The following RSBN1 variants were observed in gnomAD, a reference collection of about 807,000 sequenced individuals.
RSBN1 encodes the protein round spermatid basic protein 1, also known as lysine-specific demethylase 9.
Under a neutral mutation model 74.8 loss-of-function variants are expected in RSBN1, and 23 were observed. That is an observed-to-expected ratio of 0.31 (90% CI 0.22 to 0.44). The LOEUF is 0.44. Ranked by LOEUF, RSBN1 falls within the 20% of genes least tolerant of loss-of-function variation. The pLI, the probability that RSBN1 is intolerant of heterozygous loss-of-function variation, is 1.00. For synonymous variants in RSBN1, 407 were observed against 379.6 expected (o/e 1.07, Z -0.84); for missense variants, 808 against 1,020.9 (o/e 0.79, Z 2.84).
intron 4 of RSBN1, among the ~76,000 whole-genome samples, chr1:113,771,758 A>G (rs1416353875): frequency 6.6e-6 from 1 of 151,448 alleles, no homozygotes; most frequent in African/African-American, 2.4e-5. Flanking sequence ...GGGAAGCAAT[A>G]AAGAGAACAG....
At chr1:113,801,144 G>C (rs1335821467) in intron 1 of RSBN1, among the ~76,000 whole-genome samples, 1 of 151,882 alleles carries the variant, frequency 6.6e-6, no homozygotes, top group Non-Finnish European at 1.5e-5. Context: ...ACCACACCCG[G>C]CTAATTTTTT....
Position 113,768,257 on chromosome 1 carries a change from A to G in RSBN1, c.1791T>C (p.Ala597=), listed in dbSNP as rs1659821703. ...GQGFDWQSTA[A]VGVLKAVQFG... Reference sequence around the variant, plus strand: ...ATTGTACAGCTTTCAAAACTCCAACAGCAGCCGTACTCTGCCAGTCAAACC... The same window carrying G: ...ATTGTACAGCTTTCAAAACTCCAACGGCAGCCGTACTCTGCCAGTCAAACC... Residue 597 remains alanine (A), a synonymous_variant, in exon 5 of 7, where the codon GCT becomes GCC. Transcript: ENST00000261441. 2.5e-6 allele frequency: 4 copies of G among 1,611,866 alleles called. No homozygotes were observed. The highest frequency in any genetic ancestry group is 3.4e-6 in the Non-Finnish European group (4 of 1,179,126).
chr1:113,793,775 G>A lies in RSBN1; in HGVS notation c.1377+3588C>T, dbSNP rs558053473. The stretch of plus-strand genomic sequence containing the variant: ...GGCTCAGTGCAAACTCCACCTCCCA[G>A]GTTCAAGCCAGCATCCCAAGCAGCT... On this transcript the variant is annotated intron_variant, in intron 2 of 6. Transcript: ENST00000261441. 6.6e-5 allele frequency among the ~76,000 whole-genome samples: 10 copies of A among 151,938 alleles called. No homozygotes were observed. The South Asian group carries it at 2.1e-3, about 32-fold the overall frequency.
chr1:113,790,035 G>A (rs1032193888), intron 2 of RSBN1, among the ~76,000 whole-genome samples: 5 of 151,932 alleles, frequency 3.3e-5, no homozygotes, highest in Non-Finnish European at 7.4e-5. Context: ...GACATGATAA[G>A]CCACAAATTC....
At position 113,811,793 on chromosome 1, in the gene RSBN1, C is replaced by A. The variant is rs1660857220; in HGVS notation, c.620G>T (p.Cys207Phe). The A allele has an allele frequency of 1.2e-6, 2 of 1,613,778 alleles. No individual in the cohort carries two copies. The highest frequency in any genetic ancestry group is 2.7e-5 in the African/African-American group (2 of 74,940). ...HRGPDGDPSS[C>F]GTDLKHKDKQ... ...GTCCTTGTGCTTGAGATCGGTTCCG[C>A]AGGAGCTGGGATCACCATCGGGGCC... The change falls in exon 1 of 7, where the codon TGC (cysteine) becomes TTC (phenylalanine). Residue 207 changes from cysteine (C) to phenylalanine (F), a missense_variant. Cys to Phe is a radical substitution (Grantham distance 205). Transcript: ENST00000261441.
At chr1:113,775,287 A>C (rs985519025) in intron 4 of RSBN1, among the ~76,000 whole-genome samples, 3 of 151,444 alleles carry the variant, frequency 2.0e-5, no homozygotes, top group Admixed American at 6.6e-5. Context: ...GGCCTCCCAA[A>C]GTGCTGGGAT....
chr1:113,785,857 G>A (rs1660232808), intron 2 of RSBN1, among the ~76,000 whole-genome samples: 2 of 152,118 alleles, frequency 1.3e-5, no homozygotes, highest in Admixed American at 1.3e-4. Flanking sequence ...ATAAAGATGA[G>A]ACTGGAAAAA....
At chr1:113,778,282 G>A (rs910164331) in intron 2 of RSBN1, among the ~76,000 whole-genome samples, 1 of 150,600 alleles carries the variant, frequency 6.6e-6, no homozygotes, top group Admixed American at 6.6e-5. Flanking sequence ...ACCAAGACAG[G>A]CCAATCTTTT....
chr1:113,802,467 G>A (rs1004378880), intron 1 of RSBN1, among the ~76,000 whole-genome samples: 1 of 152,048 alleles, frequency 6.6e-6, no homozygotes, highest in Admixed American at 6.6e-5. Context: ...CTTCTTGAGA[G>A]TTCTTCCAGT....
chr1:113,788,432 G>C (rs544023687), intron 2 of RSBN1, among the ~76,000 whole-genome samples: 23 of 152,044 alleles, frequency 1.5e-4, no homozygotes, highest in African/African-American at 5.3e-4. Context: ...TTATATCTGC[G>C]TCTGAAATAT....
chr1:113,792,331 C>A (rs1050812343), intron 2 of RSBN1, among the ~76,000 whole-genome samples: 1 of 152,118 alleles, frequency 6.6e-6, no homozygotes, highest in Admixed American at 6.6e-5. Flanking sequence ...TTATTATTTG[C>A]GCTTGCAATT....
chr1:113,809,934 T>C (rs1269722100), intron 1 of RSBN1, among the ~76,000 whole-genome samples: 2 of 152,238 alleles, frequency 1.3e-5, no homozygotes, highest in African/African-American at 4.8e-5. Flanking sequence ...GAAAGTTCTA[T>C]CAGTCAGCAT....
chr1:113,781,288 C>T (rs1660135490), intron 2 of RSBN1, among the ~76,000 whole-genome samples: 4 of 152,200 alleles, frequency 2.6e-5, no homozygotes, highest in Admixed American at 2.6e-4. Context: ...TCTATTGCCT[C>T]ACCTCACCTT....
Position 113,811,980 on chromosome 1 carries a change from G to T in RSBN1, c.433C>A (p.Pro145Thr). ...GGTGCCAGCGAAGGTGGCGGCGGAG[G>T]CGGCAGGAGAAGAGGCTCAACAGGG... ...PGPVEPLLLP[P>T]PPPPSLAPAG... is the part of the protein sequence containing the mutation. Residue 145 changes from proline (P) to threonine (T), a missense_variant, in exon 1 of 7, where the codon CCT becomes ACT. Transcript: ENST00000261441. 6.4e-7 allele frequency: 1 copy of T among 1,567,152 alleles called. No individual in the cohort carries two copies.
rs1353648493 is a variant in RSBN1, at chr1:113,779,473, A to C, written c.1378-1665T>G. 1.1e-4 allele frequency among the ~76,000 whole-genome samples: 16 copies of C among 152,304 alleles called. No homozygotes were observed. The East Asian group carries it at 2.9e-3, about 28-fold the overall frequency. On this transcript the variant is annotated intron_variant, in intron 2 of 6. Coordinates refer to ENST00000261441, the MANE Select transcript of RSBN1 (RefSeq NM_018364.5). ...TTTAGATGATTCTTAAGCAGCAGCC[A>C]CCCAGGCCAGAATTACTTTATATAT... is the stretch of plus-strand genomic sequence containing the variant.
chr1:113,788,821 T>G (rs1660308850), intron 2 of RSBN1, among the ~76,000 whole-genome samples: 1 of 152,072 alleles, frequency 6.6e-6, no homozygotes, highest in African/African-American at 2.4e-5. Context: ...GAAGATCCCT[T>G]GGCCAGGAGT....
intron 2 of RSBN1, among the ~76,000 whole-genome samples, chr1:113,786,680 T>C (rs979446069): frequency 2.0e-5 from 3 of 152,086 alleles, no homozygotes; most frequent in African/African-American, 7.2e-5. Flanking sequence ...TTTTAAGCCA[T>C]TGTTTGGGGG....
At chr1:113,783,289 T>G (rs1255694638) in intron 2 of RSBN1, among the ~76,000 whole-genome samples, 2 of 147,938 alleles carry the variant, frequency 1.4e-5, no homozygotes, top group African/African-American at 5.0e-5. Context: ...AAAAAAGGGG[T>G]GGAGGGGGAG....
At chr1:113,794,479 A>G (rs1660431539) in intron 2 of RSBN1, among the ~76,000 whole-genome samples, 1 of 152,172 alleles carries the variant, frequency 6.6e-6, no homozygotes. Flanking sequence ...CTCTGGTCTC[A>G]ACTCCTTCCA....
Sources: gnomAD v4.1 joint callset for allele counts (sites outside exome capture counted in the v4.1 genomes callset) on GRCh38, gnomAD v4.1.1 for gene constraint, MANE v1.5 for transcripts, NCBI Gene and HGNC (gene_info 2026-07-23, HGNC 2026-07-21) for gene names.